LY86: variants seen among roughly 807,000 people sequenced by gnomAD.
LY86 encodes the protein lymphocyte antigen 86.
Under a neutral mutation model 17.3 loss-of-function variants are expected in LY86, and 20 were observed. The ratio of observed to expected loss-of-function variants is 1.15; its 90% CI spans 0.81 to 1.68. The LOEUF (loss-of-function observed/expected upper bound fraction) is 1.68. Among genes scored for constraint, LY86 ranks in the 40% most tolerant of loss-of-function variants. LY86 has a pLI of 0.00. For missense variants in LY86, 200 were observed against 191.9 expected (o/e 1.04, Z -0.25); for synonymous variants, 74 against 70.6 (o/e 1.05, Z -0.24).
chr6:6,593,035 G>A (rs560732817), intron 1 of LY86, among the ~76,000 whole-genome samples: 1 of 152,318 alleles, frequency 6.6e-6, no homozygotes, highest in African/African-American at 2.4e-5. Flanking sequence ...TTGTAAGGAG[G>A]GTGTATTCGT....
intron 4 of LY86, among the ~76,000 whole-genome samples, chr6:6,651,257 T>C (rs1160814638): frequency 4.6e-5 from 7 of 152,240 alleles, no homozygotes; most frequent in Non-Finnish European, 1.5e-5. Context: ...CTCCAAAACC[T>C]GTATTTGGCT....
intron 1 of LY86, among the ~76,000 whole-genome samples, chr6:6,601,703 G>GAGCGAGACAC (rs545917085): frequency 0.026 from 3,882 of 151,824 alleles, 74 homozygotes; most frequent in Non-Finnish European, 0.042. Flanking sequence ...CTGGGAGACA[G>GAGCGAGACAC]AGTGAGACAC....
intron 1 of LY86, among the ~76,000 whole-genome samples, chr6:6,623,544 G>A (rs941332219): frequency 6.6e-6 from 1 of 152,108 alleles, no homozygotes; most frequent in African/African-American, 2.4e-5. Context: ...CATGATTACC[G>A]AGAGCCCAGT....
At chr6:6,631,837 G>A (rs1289234182) in intron 3 of LY86, among the ~76,000 whole-genome samples, 1 of 152,202 alleles carries the variant, frequency 6.6e-6, no homozygotes, top group East Asian at 1.9e-4. Context: ...AGTGAGGTAT[G>A]TCTATATCTG....
At chr6:6,615,186 G>A (rs1761524375) in intron 1 of LY86, among the ~76,000 whole-genome samples, 1 of 152,180 alleles carries the variant, frequency 6.6e-6, no homozygotes, top group South Asian at 2.1e-4. Context: ...AGAATCACCT[G>A]GGGAGCATTT....
intron 1 of LY86, among the ~76,000 whole-genome samples, chr6:6,618,026 A>C (rs962465742): frequency 2.0e-5 from 3 of 152,122 alleles, no homozygotes; most frequent in African/African-American, 4.8e-5. Flanking sequence ...TTTTTAATAG[A>C]GATGGGGTTT....
At chr6:6,622,867 A>G (rs1393483796) in intron 1 of LY86, 1 of 152,238 alleles carries the variant, frequency 6.6e-6, no homozygotes, top group Admixed American at 6.5e-5. Context: ...TAAGTAACAT[A>G]TGTAGTTGAG....
chr6:6,627,576 G>A (rs763540302), intron 3 of LY86, among the ~76,000 whole-genome samples: 1 of 152,092 alleles, frequency 6.6e-6, no homozygotes, highest in Non-Finnish European at 1.5e-5. Flanking sequence ...ATTGGACCAC[G>A]AGCTGCTTGA....
At chr6:6,612,599 CT>C (rs57583910) in intron 1 of LY86, among the ~76,000 whole-genome samples, 26,495 of 152,206 alleles carry the variant, frequency 0.17, 2,475 homozygotes, top group East Asian at 0.33. Context: ...ATTCTCTTAT[CT>C]GGCCCCTCCC....
intron 1 of LY86, among the ~76,000 whole-genome samples, chr6:6,607,183 G>C (rs1228106635): frequency 6.6e-6 from 1 of 152,260 alleles, no homozygotes; most frequent in East Asian, 1.9e-4. Context: ...CTTTTTCAGG[G>C]AGGAGAGTAA....
rs1036958777 is a variant in LY86 at position 6,654,981 on chromosome 6, C to A, written c.*354C>A. 3 of 222,922 alleles carry A rather than the reference C, an allele frequency of 1.3e-5. No individual in the cohort carries two copies. The highest frequency in any genetic ancestry group is 4.6e-5 in the African/African-American group (2 of 43,622). The allele number at this position is 222,922 out of a possible 1,614,324, so 13.8% of individuals were successfully genotyped here. On this transcript the variant is annotated 3_prime_UTR_variant, in exon 5 of 5. Coordinates refer to ENST00000230568, the MANE Select transcript of LY86 (RefSeq NM_004271.4). Reference sequence around the variant, plus strand: ...ACCAAGAATAAAGAAAGCTGGCCACCATTGTTCATTGTGGTTTGTTCAAAG... The same window carrying A: ...ACCAAGAATAAAGAAAGCTGGCCACAATTGTTCATTGTGGTTTGTTCAAAG...
intron 3 of LY86, among the ~76,000 whole-genome samples, chr6:6,636,695 T>A (rs1272047986): frequency 6.6e-6 from 1 of 152,202 alleles, no homozygotes; most frequent in Non-Finnish European, 1.5e-5. Context: ...GCATCTCTCA[T>A]GGAATTGGAA....
chr6:6,637,908 T>A (rs1199278004), intron 3 of LY86, among the ~76,000 whole-genome samples: 1 of 152,244 alleles, frequency 6.6e-6, no homozygotes, highest in Non-Finnish European at 1.5e-5. Flanking sequence ...TCGTATGAAG[T>A]ATTTGTCCAC....
intron 3 of LY86, among the ~76,000 whole-genome samples, chr6:6,633,130 G>A (rs181160230): frequency 6.6e-6 from 1 of 152,318 alleles, no homozygotes; most frequent in East Asian, 1.9e-4. Flanking sequence ...GATGTACTGT[G>A]GAGCCTGAAA....
At chr6:6,602,567 T>G (rs1206746732) in intron 1 of LY86, among the ~76,000 whole-genome samples, 1 of 152,090 alleles carries the variant, frequency 6.6e-6, no homozygotes, top group East Asian at 1.9e-4. Flanking sequence ...CAAGTTTGTT[T>G]GAGAAATGAT....
At chr6:6,604,938 A>C (rs147717233) in intron 1 of LY86, among the ~76,000 whole-genome samples, 23 of 152,132 alleles carry the variant, frequency 1.5e-4, no homozygotes, top group African/African-American at 5.6e-4. Context: ...AGAAAATAAC[A>C]ATCAACGTAG....
At chr6:6,621,114 G>A (rs956341698) in intron 1 of LY86, 1 of 152,260 alleles carries the variant, frequency 6.6e-6, no homozygotes, top group Non-Finnish European at 1.5e-5. Context: ...TAGAGGCCAA[G>A]GAAGAAATAT....
intron 3 of LY86, among the ~76,000 whole-genome samples, chr6:6,628,226 A>C: frequency 6.7e-6 from 1 of 150,104 alleles, no homozygotes. Flanking sequence ...CTCCTCAACC[A>C]CAGTCAGTCC....
At chr6:6,597,514 A>G (rs1393566003) in intron 1 of LY86, among the ~76,000 whole-genome samples, 1 of 152,174 alleles carries the variant, frequency 6.6e-6, no homozygotes, top group Non-Finnish European at 1.5e-5. Context: ...CTTTCCAGGG[A>G]TGCCATGTAA....
Sources: gnomAD v4.1 joint callset for allele counts (sites outside exome capture counted in the v4.1 genomes callset) on GRCh38, gnomAD v4.1.1 for gene constraint, MANE v1.5 for transcripts, NCBI Gene and HGNC (gene_info 2026-07-23, HGNC 2026-07-21) for gene names.